Variants in BBS9 observed in about 807,000 individuals in gnomAD.
BBS9 encodes the protein protein PTHB1.
A neutral mutation model predicts 117.7 loss-of-function variants in BBS9; 89 were observed. The ratio of observed to expected loss-of-function variants is 0.76; its 90% CI spans 0.64 to 0.90. The LOEUF is 0.90. Among genes scored for constraint, BBS9 ranks in the 40% least tolerant of loss-of-function variants. The pLI is 0.00. For synonymous variants in BBS9, 379 were observed against 370.9 expected (o/e 1.02, Z -0.25); for missense variants, 982 against 1,042.2 (o/e 0.94, Z 0.80).
chr7:33,558,467 G>A (rs1009015971), intron 21 of BBS9, among the ~76,000 whole-genome samples: 1 of 152,126 alleles, frequency 6.6e-6, no homozygotes, highest in African/African-American at 2.4e-5. Flanking sequence ...GGCAGGCAAA[G>A]GATTCAAAGG....
intron 5 of BBS9, among the ~76,000 whole-genome samples, chr7:33,238,541 G>A (rs1228621708): frequency 1.3e-5 from 2 of 151,982 alleles, no homozygotes; most frequent in African/African-American, 2.4e-5. Context: ...TTATCTGCCC[G>A]CTTCAGCCTC....
chr7:33,369,089 G>A (rs571620752), intron 17 of BBS9, among the ~76,000 whole-genome samples: 2 of 152,090 alleles, frequency 1.3e-5, no homozygotes, highest in Non-Finnish European at 2.9e-5. Flanking sequence ...AATTTCAAAT[G>A]TATAGTTCAA....
intron 5 of BBS9, among the ~76,000 whole-genome samples, chr7:33,178,582 TTGTGTGACTC>T (rs565880413): frequency 6.1e-4 from 93 of 152,280 alleles, no homozygotes; most frequent in African/African-American, 2.2e-3. Flanking sequence ...ACCTGTGTGA[TTGTGTGACTC>T]TGTGTGCATA....
At chr7:33,249,226 G>GACACACACACACACAC (rs143505945) in intron 5 of BBS9, among the ~76,000 whole-genome samples, 15 of 148,324 alleles carry the variant, frequency 1.0e-4, no homozygotes, top group African/African-American at 3.5e-4. Context: ...TGGGCATGGG[G>GACACACACACACACAC]ACACACACAC....
intron 19 of BBS9, among the ~76,000 whole-genome samples, chr7:33,388,356 C>T (rs1232294936): frequency 6.6e-6 from 1 of 152,102 alleles, no homozygotes; most frequent in Non-Finnish European, 1.5e-5. Flanking sequence ...ATTACATGAG[C>T]GCCCTCAGTT....
chr7:33,498,876 C>T (rs1214250034), intron 19 of BBS9, among the ~76,000 whole-genome samples: 3 of 152,054 alleles, frequency 2.0e-5, no homozygotes, highest in African/African-American at 7.2e-5. Flanking sequence ...GGGTGTATAC[C>T]TAGAAGTGGA....
chr7:33,446,605 C>A (rs937229490), intron 19 of BBS9, among the ~76,000 whole-genome samples: 1 of 151,988 alleles, frequency 6.6e-6, no homozygotes, highest in Non-Finnish European at 1.5e-5. Flanking sequence ...TGGTATTTGC[C>A]CCAGAAAAGG....
chr7:33,342,768 C>T (rs1370478003), intron 11 of BBS9, among the ~76,000 whole-genome samples: 2 of 152,060 alleles, frequency 1.3e-5, no homozygotes, highest in East Asian at 1.9e-4. Context: ...GACTGCTGTC[C>T]TTGAAGTATC....
rs115809567 is a variant in BBS9 at position 33,505,567 on chromosome 7, G to A, written c.2220G>A (p.Leu740=). ...ATHLVILLIA[L]WQKLSADQVA... ...ATTTGGTGATTCTGCTGATCGCGCTGTGGCAGAAGCTTAGTGCTGACCAGG... is the reference window on the plus strand; with the variant it reads ...ATTTGGTGATTCTGCTGATCGCGCTATGGCAGAAGCTTAGTGCTGACCAGG... Residue 740 remains leucine (L), a synonymous_variant, in exon 20 of 23, where the codon CTG becomes CTA. Transcript: ENST00000242067. 2,126 of 1,614,124 alleles carry A rather than the reference G, an allele frequency of 1.3e-3. 20 individuals are homozygous for A. The African/African-American group carries it at 0.025, about 19-fold the overall frequency.
At chr7:33,278,493 A>G (rs1801200954) in intron 9 of BBS9, among the ~76,000 whole-genome samples, 2 of 152,194 alleles carry the variant, frequency 1.3e-5, no homozygotes, top group South Asian at 2.1e-4. Context: ...GCAAATTTAA[A>G]TATATCATCC....
chr7:33,470,777 G>C (rs1840906153), intron 19 of BBS9, among the ~76,000 whole-genome samples: 1 of 152,154 alleles, frequency 6.6e-6, no homozygotes, highest in Non-Finnish European at 1.5e-5. Flanking sequence ...TAATGTAAGA[G>C]AATCCTTGGG....
intron 19 of BBS9, among the ~76,000 whole-genome samples, chr7:33,473,480 C>T (rs1469937325): frequency 5.3e-5 from 8 of 152,138 alleles, no homozygotes; most frequent in African/African-American, 1.9e-4. Context: ...CCCGACACCA[C>T]ACCCAGCTAA....
At chr7:33,506,931 T>A (rs941829224) in intron 20 of BBS9, among the ~76,000 whole-genome samples, 3 of 152,318 alleles carry the variant, frequency 2.0e-5, no homozygotes, top group Middle Eastern at 3.4e-3. Flanking sequence ...TTAATAAGAA[T>A]GATAGCTGTC....
chr7:33,349,098 A>C lies in BBS9; in HGVS notation c.1360A>C (p.Lys454Gln). Residue 454 changes from lysine to glutamine, a missense_variant, in exon 13 of 23, where the codon AAA becomes CAA. Physicochemically the swap from Lys to Gln is moderately conservative, Grantham distance 53. Transcript: ENST00000242067. Reference protein sequence around the residue: ...VTLQNRVILQKAKLSVYVQPP... With the variant: ...VTLQNRVILQQAKLSVYVQPP... ...ACTGCAGAACAGAGTGATATTGCAA[A>C]AAGCCAAATTATCAGTCTACGTGCA... The C allele has an allele frequency of 1.9e-6, 3 of 1,613,068 alleles. No individual in the cohort carries two copies. The highest frequency in any genetic ancestry group is 1.1e-5 in the South Asian group (1 of 91,056).
At chr7:33,538,863 T>C (rs1440582255) in intron 21 of BBS9, among the ~76,000 whole-genome samples, 1 of 152,038 alleles carries the variant, frequency 6.6e-6, no homozygotes, top group Non-Finnish European at 1.5e-5. Context: ...CATAGCTAGG[T>C]TGGCCAGTTA....
intron 21 of BBS9, among the ~76,000 whole-genome samples, chr7:33,540,737 T>C (rs1245473444): frequency 1.3e-5 from 2 of 152,346 alleles, no homozygotes; most frequent in East Asian, 1.9e-4. Flanking sequence ...CATGTGTTTA[T>C]GGAGCGTGTT....
At chr7:33,307,492 T>G (rs1313005431) in intron 9 of BBS9, among the ~76,000 whole-genome samples, 3 of 146,268 alleles carry the variant, frequency 2.1e-5, no homozygotes, top group Admixed American at 6.8e-5. Flanking sequence ...AACTATTGCA[T>G]TTTTTTTTTT....
intron 18 of BBS9, among the ~76,000 whole-genome samples, chr7:33,387,081 C>G (rs1386144159): frequency 6.6e-6 from 1 of 152,096 alleles, no homozygotes; most frequent in East Asian, 1.9e-4. Context: ...ACATAGTAGT[C>G]TTGCAGAATA....
intron 19 of BBS9, among the ~76,000 whole-genome samples, chr7:33,422,541 CT>C (rs1422818592): frequency 6.6e-6 from 1 of 152,252 alleles, no homozygotes; most frequent in African/African-American, 2.4e-5. Context: ...AGTTGCCCAA[CT>C]TTTCCTGCTT....
Sources: allele counts gnomAD v4.1 joint callset (sites outside exome capture counted in the v4.1 genomes callset), GRCh38; gene constraint gnomAD v4.1.1; transcripts MANE v1.5; gene names NCBI Gene and HGNC (gene_info 2026-07-23, HGNC 2026-07-21).